Variants in EIF4B observed in about 807,000 individuals in gnomAD.
EIF4B encodes eukaryotic translation initiation factor 4B.
Under a neutral mutation model 79.3 loss-of-function variants are expected in EIF4B, and 8 were observed. That is an observed-to-expected ratio of 0.10 (90% CI 0.06 to 0.18). The LOEUF (loss-of-function observed/expected upper bound fraction) is 0.18, where lower values mean the gene tolerates loss of function less well. Among genes scored for constraint, EIF4B ranks in the 10% least tolerant of loss-of-function variants. The probability of loss-of-function intolerance (pLI) is 1.00; values close to 1 mark genes in which losing one functional copy is unlikely to be tolerated. For missense variants in EIF4B, 515 were observed against 792.4 expected (o/e 0.65, Z 4.20); for synonymous variants, 238 against 274.7 (o/e 0.87, Z 1.32).
intron 6 of EIF4B, among the ~76,000 whole-genome samples, chr12:53,024,415 A>T (rs1460276860): frequency 6.6e-6 from 1 of 152,212 alleles, no homozygotes; most frequent in Non-Finnish European, 1.5e-5. Context: ...TAAGTTGTAA[A>T]ATTATAAAGC....
intron 10 of EIF4B, among the ~76,000 whole-genome samples, chr12:53,036,303 G>A (rs1039313616): frequency 2.0e-5 from 3 of 151,910 alleles, no homozygotes; most frequent in Non-Finnish European, 4.4e-5. Flanking sequence ...TAGTAAAGAC[G>A]GGGTTTCACC....
intron 1 of EIF4B, among the ~76,000 whole-genome samples, chr12:53,008,099 C>T (rs760037558): frequency 1.3e-5 from 2 of 152,176 alleles, no homozygotes; most frequent in African/African-American, 2.4e-5. Context: ...TTTAAACTAA[C>T]CATTGCTTAA....
At chr12:53,021,477 T>G (rs1305248117) in intron 4 of EIF4B, among the ~76,000 whole-genome samples, 3 of 152,234 alleles carry the variant, frequency 2.0e-5, no homozygotes, top group Non-Finnish European at 4.4e-5. Context: ...AAATATGCCT[T>G]TTATTCAGCT....
At chr12:53,032,312 C>T (rs961318071) in intron 8 of EIF4B, among the ~76,000 whole-genome samples, 13 of 152,174 alleles carry the variant, frequency 8.5e-5, no homozygotes, top group African/African-American at 2.6e-4. Context: ...CATGGTGCCA[C>T]GTGCCTATAC....
intron 6 of EIF4B, among the ~76,000 whole-genome samples, chr12:53,025,919 AAC>A (rs1470323901): frequency 6.6e-6 from 1 of 152,104 alleles, no homozygotes; most frequent in Non-Finnish European, 1.5e-5. Flanking sequence ...CATCCTGGCT[AAC>A]ACGGTGAAAC....
At chr12:53,026,570 A>G (rs1056742864) in intron 6 of EIF4B, among the ~76,000 whole-genome samples, 2 of 152,254 alleles carry the variant, frequency 1.3e-5, no homozygotes, top group Non-Finnish European at 2.9e-5. Context: ...GCATAGTTCT[A>G]ATACAACTTT....
chr12:53,024,020 C>CA (rs1943294243), intron 6 of EIF4B, among the ~76,000 whole-genome samples: 1 of 151,960 alleles, frequency 6.6e-6, no homozygotes, highest in South Asian at 2.1e-4. Context: ...CAGCAGTGAA[C>CA]AAAAACAAGA....
intron 10 of EIF4B, among the ~76,000 whole-genome samples, chr12:53,034,958 T>C (rs80337651): frequency 2.0e-3 from 20 of 10,246 alleles, no homozygotes; most frequent in Admixed American, 5.5e-3. Flanking sequence ...GTCTCTCTCT[T>C]TTTTTTTTTT....
intron 1 of EIF4B, among the ~76,000 whole-genome samples, chr12:53,006,948 G>A (rs892925618): frequency 4.0e-5 from 6 of 149,516 alleles, no homozygotes; most frequent in Non-Finnish European, 8.9e-5. Flanking sequence ...GGGAGTAAGT[G>A]TGGTGGGGGG....
rs773436153 is a variant in EIF4B at position 53,040,248 on chromosome 12, C to G, written c.*25C>G. On this transcript the variant is annotated 3_prime_UTR_variant, in exon 15 of 15. Coordinates refer to ENST00000262056, the MANE Select transcript of EIF4B (RefSeq NM_001417.7). ...GACCTCTACATCCTGTGCTTTTCTC[C>G]TAGTTTCTCTCCACCCTGGAACATT... 2.5e-4 allele frequency: 396 copies of G among 1,587,400 alleles called. 1 individual carries two copies. The highest frequency in any genetic ancestry group is 1.7e-4 in the Admixed American group (10 of 59,844).
intron 1 of EIF4B, among the ~76,000 whole-genome samples, chr12:53,007,444 T>A (rs374607927): frequency 1.1e-3 from 123 of 113,072 alleles, no homozygotes; most frequent in Non-Finnish European, 2.1e-3. Context: ...TTTTTTTTTT[T>A]TTTTAAGGTA....
At chr12:53,029,692 A>G (rs573552851) in intron 8 of EIF4B, among the ~76,000 whole-genome samples, 4 of 152,196 alleles carry the variant, frequency 2.6e-5, no homozygotes, top group African/African-American at 9.6e-5. Flanking sequence ...CCTATCTTTA[A>G]CATCTTTGTG....
intron 1 of EIF4B, chr12:53,015,053 T>TA (rs1325518349): frequency 6.6e-6 from 1 of 152,254 alleles, no homozygotes; most frequent in Non-Finnish European, 1.5e-5. Flanking sequence ...TTATTAGGGT[T>TA]TTCGTGTGTT....
chr12:53,032,572 T>G (rs1943464951), intron 8 of EIF4B, among the ~76,000 whole-genome samples: 1 of 152,194 alleles, frequency 6.6e-6, no homozygotes, highest in Admixed American at 6.5e-5. Context: ...GATAGATTAT[T>G]AATTTATTAC....
At chr12:53,020,084 T>G (rs1468052930) in intron 4 of EIF4B, 58 bp downstream of exon 4, 13 of 1,412,702 alleles carry the variant, frequency 9.2e-6, no homozygotes, top group Non-Finnish European at 1.3e-5. Context: ...TCATGTTTAT[T>G]GATCAAACTG....
rs899810275 is a variant in EIF4B, at chr12:53,019,108, A to T, written c.360+102A>T. 5.5e-5 allele frequency: 75 copies of T among 1,365,292 alleles called. No homozygotes were observed. In the Admixed American group the frequency reaches 7.1e-4, roughly 13 times the overall value. 84.6% of individuals were successfully genotyped at this position (1,365,292 alleles called of 1,614,324 possible). On this transcript the variant is annotated intron_variant, in intron 3 of 14. Transcript: ENST00000262056. Reference sequence around the variant, plus strand: ...TGCTGTTGAAAAAACAACTAGAAATATAATTTAAGGCCGGGAATGGTGGCT... The same window carrying T: ...TGCTGTTGAAAAAACAACTAGAAATTTAATTTAAGGCCGGGAATGGTGGCT...
chr12:53,034,548 C>A, intron 9 of EIF4B, 64 bp from the exon 10 acceptor site: 1 of 1,503,904 alleles, frequency 6.6e-7, no homozygotes, highest in Non-Finnish European at 9.2e-7. Flanking sequence ...GAGGGGTCAG[C>A]ATGGGTCTAA....
At chr12:53,039,434 C>T (rs1026746220) in intron 13 of EIF4B, 91 bp downstream of exon 13, 26 of 1,252,676 alleles carry the variant, frequency 2.1e-5, no homozygotes, top group Middle Eastern at 1.9e-4. Flanking sequence ...ACTGCCAGAT[C>T]GCTCATTGTG....
intron 1 of EIF4B, among the ~76,000 whole-genome samples, chr12:53,011,118 T>C (rs542483846): frequency 1.3e-5 from 2 of 152,164 alleles, no homozygotes; most frequent in African/African-American, 4.8e-5. Context: ...ATTTTAAAAA[T>C]TAGCCAGGGG....
Sources: allele counts gnomAD v4.1 joint callset (sites outside exome capture counted in the v4.1 genomes callset), GRCh38; gene constraint gnomAD v4.1.1; transcripts MANE v1.5; gene names NCBI Gene and HGNC (gene_info 2026-07-23, HGNC 2026-07-21).